MAP3K6: variants seen among roughly 807,000 people sequenced by gnomAD.
MAP3K6 encodes apoptosis signal-regulating kinase 2.
In MAP3K6, 105 loss-of-function variants were observed where a neutral mutation model predicts 147.1. The ratio of observed to expected loss-of-function variants is 0.71; its 90% CI spans 0.61 to 0.84. The LOEUF (loss-of-function observed/expected upper bound fraction) is 0.84. MAP3K6 is among the 40% of genes least tolerant of loss of function. MAP3K6 has a pLI of 0.00. For missense variants in MAP3K6, 1,569 were observed against 1,715.0 expected (o/e 0.91, Z 1.50); for synonymous variants, 695 against 732.4 (o/e 0.95, Z 0.82).
rs1012524584 is a variant in MAP3K6 at position 27,356,509 on chromosome 1, C to T, written c.3525-9G>A. The T allele has an allele frequency of 2.5e-6, 4 of 1,612,892 alleles. No homozygotes were observed. Among genetic ancestry groups the T allele is most frequent in the South Asian group, 2.2e-5 (2 of 90,918 alleles). On this transcript the variant is annotated splice_polypyrimidine_tract_variant and intron_variant, in intron 25 of 28. Transcript: ENST00000357582. ...CCAGGATTTCGCGCAGCCTGTGGGG[C>T]GCAGAAGAGTAGAATGGAGCGGTGA...
chr1:27,361,650 G>A, intron 10 of MAP3K6, 23 bp from the exon 11 acceptor site: 1 of 1,614,108 alleles, frequency 6.2e-7, no homozygotes, highest in Non-Finnish European at 8.5e-7. Context: ...GGGGAGTGGG[G>A]TCAGTCAGAA....
chr1:27,361,114 C>T (rs1334317444), intron 13 of MAP3K6, 43 bp downstream of exon 13: 1 of 1,558,470 alleles, frequency 6.4e-7, no homozygotes, highest in African/African-American at 1.4e-5. Flanking sequence ...CCCCCCCGGG[C>T]ATCCTGGCCC....
Position 27,364,796 on chromosome 1 carries a change from G to A in MAP3K6, c.457C>T (p.Leu153Phe). Residue 153 changes from leucine (L) to phenylalanine (F), a missense_variant, in exon 2 of 29, where the codon CTC becomes TTC. Physicochemically the swap from Leu to Phe is conservative, Grantham distance 22. Transcript: ENST00000357582. The surrounding 1 kb of genome is among the most constrained non-coding windows in gnomAD (Gnocchi z 4.4). Reference sequence around the variant, plus strand: ...ACCCGCAGGGCCTGCAGGTCAGGGAGGTCGGCCTGGGAGCAGAGGAGCACA... The same window carrying A: ...ACCCGCAGGGCCTGCAGGTCAGGGAAGTCGGCCTGGGAGCAGAGGAGCACA... ...NNVLLCSQADLPDLQALREDV... is the reference protein window; with the variant it reads ...NNVLLCSQADFPDLQALREDV... 3.1e-6 allele frequency: 5 copies of A among 1,613,734 alleles called. 1 individual carries two copies.
chr1:27,361,940 G>A, intron 9 of MAP3K6, 73 bp from the exon 10 acceptor site: 1 of 1,496,606 alleles, frequency 6.7e-7, no homozygotes, highest in Non-Finnish European at 8.9e-7. Context: ...AACTGGCCTG[G>A]ATATAGCTAG....
In MAP3K6 at chr1:27,362,831, C is replaced by T. The variant is rs1478287071; in HGVS notation, c.1142+20G>A. 2 of 1,612,898 alleles carry T rather than the reference C, an allele frequency of 1.2e-6. No homozygotes were observed. The highest frequency in any genetic ancestry group is 4.5e-5 in the East Asian group (2 of 44,864). On this transcript the variant is annotated intron_variant, in intron 7 of 28. Transcript: ENST00000357582. Reference sequence around the variant, plus strand: ...CTCATCTCACAGCTTAGCCCACCGGCCACTCACTGTGCTCTTTACCAGTGA... The same window carrying T: ...CTCATCTCACAGCTTAGCCCACCGGTCACTCACTGTGCTCTTTACCAGTGA...
chr1:27,357,699 T>C lies in MAP3K6; in HGVS notation c.3081+12A>G, dbSNP rs371415749. ...TTGCGACCACCAGGGGGCGCTAGAG[T>C]GGGCCGCCCACCTGCTCTTGCTTCT... On this transcript the variant is annotated intron_variant, in intron 22 of 28. Coordinates refer to ENST00000357582, the MANE Select transcript of MAP3K6 (RefSeq NM_004672.5). The C allele has an allele frequency of 4.4e-6, 7 of 1,608,818 alleles. No individual in the cohort carries two copies. Among genetic ancestry groups the C allele is most frequent in the Non-Finnish European group, 5.1e-6 (6 of 1,179,192 alleles).
At position 27,358,577 on chromosome 1, in the gene MAP3K6, C is replaced by G. The variant is rs781150055; in HGVS notation, c.2618G>C (p.Ser873Thr). 1 of 1,613,372 alleles carries G rather than the reference C, an allele frequency of 6.2e-7. No homozygotes were observed. Among genetic ancestry groups the G allele is most frequent in the Non-Finnish European group, 8.5e-7 (1 of 1,179,800 alleles). The change falls in exon 20 of 29, where the codon AGC becomes ACC. Residue 873 changes from serine (S) to threonine (T), a missense_variant. Transcript: ENST00000357582. This position sits in a 1 kb window ranked among gnomAD's most constrained non-coding sequence, Gnocchi z 6.2. ...GGCTTGGGCCTCGGCCGACAGAGAG[C>G]TGGGCATTGGCGGATGGACCTTGTA... Reference protein sequence around the residue: ...GMYKVHPPMPSSLSAEAQAFL... With the variant: ...GMYKVHPPMPTSLSAEAQAFL...
In MAP3K6 at chr1:27,357,907, ACGG is replaced by A. The variant is rs1350737679; in HGVS notation, c.2916-34_2916-32del. 1.9e-6 allele frequency: 3 copies of A among 1,547,242 alleles called. No homozygotes were observed. The East Asian group carries it at 7.0e-5, about 36-fold the overall frequency. ...CACAAGGGCGAGCTGCTGATTGAGG[ACGG>A]GCAGCAACCGGCCAGTCACCTCTGT... On this transcript the variant is annotated intron_variant, in intron 21 of 28. Coordinates refer to ENST00000357582, the MANE Select transcript of MAP3K6 (RefSeq NM_004672.5).
chr1:27,359,960 T>A lies in MAP3K6; in HGVS notation c.2217A>T (p.Gly739=). The change falls in exon 17 of 29, where the codon GGA becomes GGT. Residue 739 remains glycine, a synonymous_variant. Transcript: ENST00000357582. The surrounding 1 kb of genome is among the most constrained non-coding windows in gnomAD (Gnocchi z 4.4). ...SLSSLLRSVW[G]PLKDNESTIS... ...TGGTGCTCTCGTTGTCCTTCAGGGG[T>A]CCCCACACCGACCGCAGCAAGGAGG... 1 of 1,613,396 alleles carries A rather than the reference T, an allele frequency of 6.2e-7. No individual in the cohort carries two copies. The highest frequency in any genetic ancestry group is 8.5e-7 in the Non-Finnish European group (1 of 1,179,872).
intron 7 of MAP3K6, 40 bp from the exon 8 acceptor site, chr1:27,362,793 C>T: frequency 6.2e-7 from 1 of 1,611,276 alleles, no homozygotes; most frequent in Non-Finnish European, 8.5e-7. Context: ...GACTGATGCC[C>T]ACAGCACCAC....
chr1:27,366,411 C>T lies in MAP3K6; in HGVS notation c.187G>A (p.Glu63Lys). ...GGCAGCGGCTCCGCCTCGGTTCCCT[C>T]CCGAGGCTCGAGCCCGGGCTGCGGC... ...REPQPGLEPR[E>K]GTEAEPLPLR... The change falls in exon 1 of 29, where the codon GAG becomes AAG. Residue 63 changes from glutamate to lysine, a missense_variant. Glu to Lys is a moderately conservative substitution (Grantham distance 56, BLOSUM62 1). Coordinates refer to ENST00000357582, the MANE Select transcript of MAP3K6 (RefSeq NM_004672.5). This position sits in a 1 kb window ranked among gnomAD's most constrained non-coding sequence, Gnocchi z 5.5. 15 of 1,230,272 alleles carry T rather than the reference C, an allele frequency of 1.2e-5. No homozygotes were observed. Among genetic ancestry groups the T allele is most frequent in the Non-Finnish European group, 1.5e-5 (15 of 986,260 alleles). The allele number at this position is 1,230,272 out of a possible 1,614,324, so 76.2% of individuals were successfully genotyped here. A position where few individuals can be genotyped will look rare whatever the true frequency, so the allele number is the denominator to read the frequency against.
At chr1:27,356,003 T>C (rs2015507851) in intron 27 of MAP3K6, 23 bp downstream of exon 27, 6 of 1,610,630 alleles carry the variant, frequency 3.7e-6, no homozygotes, top group Admixed American at 3.3e-5. Context: ...AGGTCAGGGA[T>C]AGCCAAGCAC....
rs143122109 is a variant in MAP3K6 at position 27,358,538 on chromosome 1, G to C, written c.2657C>G (p.Thr886Ser). The C allele has an allele frequency of 6.2e-7, 1 of 1,612,126 alleles. No homozygotes were observed. The highest frequency in any genetic ancestry group is 8.5e-7 in the Non-Finnish European group (1 of 1,179,384). ...SAEAQAFLLR[T>S]FEPDPRLRAS... ...TCGGAGGCGGGGGTCTGGCTCAAAA[G>C]TTCGGAGGAGAAAGGCTTGGGCCTC... The change falls in exon 20 of 29, where the codon ACT (threonine) becomes AGT (serine). Residue 886 changes from threonine (T) to serine (S), a missense_variant. By Grantham distance (58) the Thr-to-Ser change is moderately conservative. Coordinates refer to ENST00000357582, the MANE Select transcript of MAP3K6 (RefSeq NM_004672.5). This position sits in a 1 kb window ranked among gnomAD's most constrained non-coding sequence, Gnocchi z 6.2.
chr1:27,358,959 C>T lies in MAP3K6; in HGVS notation c.2426-93G>A, dbSNP rs189278495. On this transcript the variant is annotated intron_variant, in intron 18 of 28. Transcript: ENST00000357582. The surrounding 1 kb of genome is among the most constrained non-coding windows in gnomAD (Gnocchi z 6.2). ...TGCCGTCATCCTCAGGCCGACTGCA[C>T]CCATACTGAACCTATCATCCAAAAT... 3.8e-5 allele frequency: 50 copies of T among 1,299,096 alleles called. No homozygotes were observed. In the African/African-American group the frequency reaches 4.7e-4, roughly 12 times the overall value. The allele number at this position is 1,299,096 out of a possible 1,614,324, so 80.5% of individuals were successfully genotyped here. A position where few individuals can be genotyped will look rare whatever the true frequency, so the allele number is the denominator to read the frequency against.
At position 27,356,046 on chromosome 1, in the gene MAP3K6, C is replaced by G. The variant is rs749283789; in HGVS notation, c.3691G>C (p.Asp1231His). 4 of 1,614,164 alleles carry G rather than the reference C, an allele frequency of 2.5e-6. No individual in the cohort carries two copies. In the Admixed American group the frequency reaches 6.7e-5, roughly 27 times the overall value. ...CTCACCATTTGGATGGTGCCTGAAT[C>G]CACATTCAGTTCCTGTAGCCACTGC... ...LVQWLQELNVDSGTIQMLLNH... is the reference protein window; with the variant it reads ...LVQWLQELNVHSGTIQMLLNH... The change falls in exon 27 of 29, where the codon GAT (aspartate) becomes CAT (histidine). Residue 1231 changes from aspartate (D) to histidine (H), a missense_variant. Asp to His is a moderately conservative substitution (Grantham distance 81). Coordinates refer to ENST00000357582, the MANE Select transcript of MAP3K6 (RefSeq NM_004672.5).
In MAP3K6 at chr1:27,360,721, G is replaced by T. The variant is rs2015718889; in HGVS notation, c.2038C>A (p.Pro680Thr). The change falls in exon 15 of 29, where the codon CCG becomes ACG. Residue 680 changes from proline to threonine, a missense_variant. Coordinates refer to ENST00000357582, the MANE Select transcript of MAP3K6 (RefSeq NM_004672.5). The surrounding 1 kb of genome is among the most constrained non-coding windows in gnomAD (Gnocchi z 4.5). ...GCACCGCACCTGCTGTCCCGCTCCG[G>T]GATCTCCTTGATGGCGATGCGCACC... ...TRVRIAIKEIPERDSRFSQPL... is the reference protein window; with the variant it reads ...TRVRIAIKEITERDSRFSQPL... 6.2e-7 allele frequency: 1 copy of T among 1,612,008 alleles called. No individual in the cohort carries two copies. Among genetic ancestry groups the T allele is most frequent in the African/African-American group, 1.3e-5 (1 of 74,912 alleles).
Position 27,360,099 on chromosome 1 carries a change from C to T in MAP3K6, c.2183-105G>A. ...CCATGTTGTAGCCCAACTCCATCAC[C>T]CAGCGCCACTCCTCAGCTAATTCTA... On this transcript the variant is annotated intron_variant, in intron 16 of 28. Transcript: ENST00000357582. The surrounding 1 kb of genome is among the most constrained non-coding windows in gnomAD (Gnocchi z 4.5). 2 of 1,580,330 alleles carry T rather than the reference C, an allele frequency of 1.3e-6. No individual in the cohort carries two copies. Among genetic ancestry groups the T allele is most frequent in the South Asian group, 2.3e-5 (2 of 87,362 alleles).
Position 27,356,418 on chromosome 1 carries a change from G to A in MAP3K6, c.3607C>T (p.Arg1203Trp), listed in dbSNP as rs745708830. Residue 1203 changes from arginine (R) to tryptophan (W), a missense_variant, in exon 26 of 29, where the codon CGG becomes TGG. Coordinates refer to ENST00000357582, the MANE Select transcript of MAP3K6 (RefSeq NM_004672.5). ...RALQRLNEEA[R>W]TYVLAPEPPT... ...GGCTCTGGGGCCAGGACATAGGTCC[G>A]GGCTTCCTCATTCAGCCGCTGTAGA... 6.2e-7 allele frequency: 1 copy of A among 1,613,058 alleles called. No individual in the cohort carries two copies. The highest frequency in any genetic ancestry group is 1.7e-5 in the Admixed American group (1 of 59,892).
chr1:27,356,547 T>A (rs759786376), intron 25 of MAP3K6, 43 bp downstream of exon 25: 1 of 1,611,276 alleles, frequency 6.2e-7, no homozygotes. Flanking sequence ...GGTGAGTGGG[T>A]TGAAGCCCGG....
Sources: gnomAD v4.1 joint callset for allele counts on GRCh38, gnomAD v4.1.1 for gene constraint, Gnocchi (gnomAD v3.1) non-coding constraint, MANE v1.5 for transcripts, NCBI Gene and HGNC (gene_info 2026-07-23, HGNC 2026-07-21) for gene names.